Variants in CEP112 observed in about 807,000 individuals in gnomAD.
The protein encoded by CEP112 is centrosomal protein 112.
A neutral mutation model predicts 153.0 loss-of-function variants in CEP112; 127 were observed. The ratio of observed to expected loss-of-function variants is 0.83; its 90% confidence interval spans 0.72 to 0.96. The LOEUF is 0.96. Ranked by LOEUF, CEP112 falls within the 40% of genes least tolerant of loss-of-function variation. CEP112 has a pLI of 0.00. For missense variants in CEP112, 1,089 were observed against 1,101.2 expected, an observed-to-expected ratio of 0.99 and a Z score of 0.16; for synonymous variants, 358 against 374.4, an observed-to-expected ratio of 0.96 and a Z score of 0.51.
intron 13 of CEP112, among the ~76,000 whole-genome samples, chr17:66,029,533 C>T (rs1373029181): frequency 6.6e-6 from 1 of 151,544 alleles, no homozygotes; most frequent in Non-Finnish European, 1.5e-5. Context: ...CGTGTCTCTA[C>T]AAAAAAATAA....
At chr17:66,039,013 G>A (rs979194045) in intron 12 of CEP112, among the ~76,000 whole-genome samples, 3 of 152,090 alleles carry the variant, frequency 2.0e-5, no homozygotes, top group African/African-American at 7.2e-5. Context: ...AATTTTCAGA[G>A]AGGTAAAATG....
intron 20 of CEP112, among the ~76,000 whole-genome samples, chr17:65,893,110 G>A (rs769665803): frequency 6.6e-6 from 1 of 151,982 alleles, no homozygotes; most frequent in Non-Finnish European, 1.5e-5. Flanking sequence ...TGAACTACTG[G>A]ATCTCTGTTC....
intron 4 of CEP112, among the ~76,000 whole-genome samples, chr17:66,159,804 C>A (rs1568560352): frequency 6.6e-6 from 1 of 152,110 alleles, no homozygotes; most frequent in Non-Finnish European, 1.5e-5. Context: ...GACAAGATGA[C>A]CTCTCTCACC....
chr17:66,039,965 G>A (rs936712537), intron 12 of CEP112, among the ~76,000 whole-genome samples: 28 of 152,074 alleles, frequency 1.8e-4, no homozygotes, highest in Non-Finnish European at 3.5e-4. Flanking sequence ...CCATTCTATT[G>A]ATGAGTTGTC....
chr17:65,644,415 C>T, intron 24 of CEP112: 2 of 519,870 alleles, frequency 3.8e-6, no homozygotes, highest in South Asian at 3.5e-5. Context: ...ACTCGGACCT[C>T]AAGGCTTAGC....
chr17:66,016,308 C>T (rs560405977), intron 16 of CEP112, among the ~76,000 whole-genome samples: 5 of 152,270 alleles, frequency 3.3e-5, no homozygotes, highest in Admixed American at 3.3e-4. Flanking sequence ...CATTCTTGAA[C>T]ACCGTACACC....
intron 20 of CEP112, among the ~76,000 whole-genome samples, chr17:65,854,910 G>T (rs917819907): frequency 2.0e-5 from 3 of 152,088 alleles, no homozygotes; most frequent in Admixed American, 6.6e-5. Context: ...AAAACAGATA[G>T]ACTTTAGCAG....
chr17:66,188,599 T>A (rs1183434722), intron 1 of CEP112, among the ~76,000 whole-genome samples: 2 of 136,618 alleles, frequency 1.5e-5, no homozygotes. Context: ...TTTTTTTTTT[T>A]ACACATCTGT....
rs1363786661 is a variant in CEP112 at position 65,937,596 on chromosome 17, C to T, written c.1873-9907G>A. On this transcript the variant is annotated intron_variant, in intron 18 of 26. Coordinates refer to ENST00000535342, the MANE Select transcript of CEP112 (RefSeq NM_001199165.4). Reference sequence around the variant, plus strand: ...GGGGTCAGCCCCCCACCCGGCCAGCCGCCCCGTCCGGGAGGGAGGTGGGGG... The same window carrying T: ...GGGGTCAGCCCCCCACCCGGCCAGCTGCCCCGTCCGGGAGGGAGGTGGGGG... Among the ~76,000 whole-genome samples, 311 of 98,832 alleles carry T rather than the reference C, an allele frequency of 3.1e-3. 2 individuals carry two copies. The highest frequency in any genetic ancestry group is 6.4e-3 in the African/African-American group (175 of 27,442). The allele number at this position is 98,832 out of a possible 152,430, so 64.8% of individuals were successfully genotyped here. A position where few individuals can be genotyped will look rare whatever the true frequency, so the allele number is the denominator to read the frequency against.
intron 3 of CEP112, among the ~76,000 whole-genome samples, chr17:66,176,420 GA>G (rs2072475762): frequency 6.6e-6 from 1 of 152,028 alleles, no homozygotes; most frequent in Admixed American, 6.6e-5. Flanking sequence ...CATTTTATTA[GA>G]GTAAAAAGGA....
intron 19 of CEP112, among the ~76,000 whole-genome samples, chr17:65,910,756 A>T (rs960869701): frequency 6.6e-6 from 1 of 152,218 alleles, no homozygotes; most frequent in African/African-American, 2.4e-5. Context: ...AAATCCATGT[A>T]AACACAGACC....
intron 24 of CEP112, among the ~76,000 whole-genome samples, chr17:65,657,192 T>C (rs1451265918): frequency 2.0e-5 from 3 of 152,232 alleles, no homozygotes; most frequent in Non-Finnish European, 2.9e-5. Flanking sequence ...AGATAGTCAA[T>C]GACTCATGCC....
intron 21 of CEP112, among the ~76,000 whole-genome samples, chr17:65,821,499 TATATATATATATAA>T (rs2056540541): frequency 3.2e-5 from 4 of 125,188 alleles, no homozygotes; most frequent in East Asian, 2.2e-4. Context: ...TATATAATTA[TATATATATATATAA>T]TTATATATAT....
chr17:65,938,711 A>T (rs963786523), intron 18 of CEP112, among the ~76,000 whole-genome samples: 3 of 152,238 alleles, frequency 2.0e-5, no homozygotes, highest in Admixed American at 2.0e-4. Context: ...GATTCCACAC[A>T]CACACACAAA....
chr17:65,685,377 C>T (rs115241255), intron 24 of CEP112, among the ~76,000 whole-genome samples: 1,924 of 152,174 alleles, frequency 0.013, 33 homozygotes, highest in African/African-American at 0.044. Flanking sequence ...TTAAAAAAAG[C>T]AGCTTAGGAT....
At chr17:65,718,399 A>G (rs1331397595) in intron 23 of CEP112, among the ~76,000 whole-genome samples, 4 of 149,664 alleles carry the variant, frequency 2.7e-5, no homozygotes, top group African/African-American at 7.4e-5. Context: ...CAAGAGCGAA[A>G]CTCCATCTCA....
intron 21 of CEP112, among the ~76,000 whole-genome samples, chr17:65,774,176 C>T (rs1002950649): frequency 6.6e-6 from 1 of 151,916 alleles, no homozygotes; most frequent in Non-Finnish European, 1.5e-5. Flanking sequence ...ACTTGAAAGT[C>T]GGTTTTATCT....
chr17:66,103,325 T>A (rs2068644120), intron 6 of CEP112, among the ~76,000 whole-genome samples: 1 of 151,710 alleles, frequency 6.6e-6, no homozygotes, highest in Admixed American at 6.6e-5. Context: ...AACACTGTAG[T>A]GGAATCCTAA....
chr17:65,820,051 C>T (rs2056451641), intron 21 of CEP112, among the ~76,000 whole-genome samples: 1 of 151,960 alleles, frequency 6.6e-6, no homozygotes, highest in Non-Finnish European at 1.5e-5. Context: ...TATGGCAATT[C>T]CCTGTACTAT....
Sources: allele counts gnomAD v4.1 joint callset (sites outside exome capture counted in the v4.1 genomes callset), GRCh38; gene constraint gnomAD v4.1.1; transcripts MANE v1.5; gene names NCBI Gene and HGNC (gene_info 2026-07-23, HGNC 2026-07-21).